The following TNKS variants were observed in gnomAD, a reference collection of about 807,000 sequenced individuals.
The protein encoded by TNKS is tankyrase.
A neutral mutation model predicts 135.8 loss-of-function variants in TNKS; 72 were observed. That is an observed-to-expected ratio of 0.53 (90% CI 0.44 to 0.64). The LOEUF (loss-of-function observed/expected upper bound fraction) is 0.64. Ranked by LOEUF, TNKS falls within the 30% of genes least tolerant of loss-of-function variation. The pLI is 0.00. For missense variants in TNKS, 1,769 were observed against 1,674.0 expected (o/e 1.06, Z -0.99); for synonymous variants, 849 against 649.3 (o/e 1.31, Z -4.68).
intron 11 of TNKS, among the ~76,000 whole-genome samples, chr8:9,717,557 A>G (rs772230805): frequency 3.9e-5 from 6 of 152,156 alleles, no homozygotes; most frequent in Non-Finnish European, 8.8e-5. Context: ...CAATATACAG[A>G]ACAGTATGTC....
chr8:9,692,462 A>G (rs929052176), intron 5 of TNKS, among the ~76,000 whole-genome samples: 1 of 152,222 alleles, frequency 6.6e-6, no homozygotes, highest in African/African-American at 2.4e-5. Flanking sequence ...AGACATTAAT[A>G]TGTTAAACAG....
intron 5 of TNKS, among the ~76,000 whole-genome samples, chr8:9,683,511 A>G (rs1347544049): frequency 6.6e-6 from 1 of 151,912 alleles, no homozygotes; most frequent in East Asian, 1.9e-4. Context: ...TTACTGTATT[A>G]TTGCTTAACT....
chr8:9,690,894 T>C (rs543094982), intron 5 of TNKS, among the ~76,000 whole-genome samples: 1 of 152,302 alleles, frequency 6.6e-6, no homozygotes, highest in South Asian at 2.1e-4. Flanking sequence ...GTAATCTATC[T>C]AGGATTCATA....
rs998183690 is a variant in TNKS at position 9,777,373 on chromosome 8, T to C, written c.*637T>C. The C allele has an allele frequency of 6.6e-6, 1 of 152,424 alleles. No homozygotes were observed. The highest frequency in any genetic ancestry group is 2.4e-5 in the African/African-American group (1 of 41,444). 9.4% of individuals were successfully genotyped at this position (152,424 alleles called of 1,614,324 possible). ...TGCTCTGTAGCTGCACTTCTCGTTATCATAAATTGAGATGAAAAGGAAAAA... is the reference window on the plus strand; with the variant it reads ...TGCTCTGTAGCTGCACTTCTCGTTACCATAAATTGAGATGAAAAGGAAAAA... On this transcript the variant is annotated 3_prime_UTR_variant, in exon 27 of 27. Coordinates refer to ENST00000310430, the MANE Select transcript of TNKS (RefSeq NM_003747.3).
intron 1 of TNKS, among the ~76,000 whole-genome samples, chr8:9,561,687 C>T (rs1346729510): frequency 1.3e-5 from 2 of 152,040 alleles, no homozygotes; most frequent in East Asian, 1.9e-4. Context: ...TTTGTGGACA[C>T]GGATTTTCTT....
intron 3 of TNKS, among the ~76,000 whole-genome samples, chr8:9,640,409 T>G (rs2128776233): frequency 7.0e-6 from 1 of 143,770 alleles, no homozygotes; most frequent in African/African-American, 2.6e-5. Flanking sequence ...TTTTAACATA[T>G]GAACTTTGGG....
At chr8:9,664,590 A>G (rs191670744) in intron 3 of TNKS, among the ~76,000 whole-genome samples, 1 of 152,352 alleles carries the variant, frequency 6.6e-6, no homozygotes, top group East Asian at 1.9e-4. Context: ...TTTAGGGGCT[A>G]TGTGCCAGGA....
chr8:9,748,512 C>T (rs772966360), intron 18 of TNKS, among the ~76,000 whole-genome samples: 1 of 151,998 alleles, frequency 6.6e-6, no homozygotes, highest in Non-Finnish European at 1.5e-5. Context: ...ATATCTTGTA[C>T]CTTCTATATT....
intron 5 of TNKS, among the ~76,000 whole-genome samples, chr8:9,686,082 C>G (rs547881731): frequency 4.6e-5 from 7 of 152,192 alleles, no homozygotes; most frequent in Non-Finnish European, 8.8e-5. Context: ...GCCACACTGA[C>G]TCTGGGCTTA....
chr8:9,632,420 C>T (rs1800326277), intron 3 of TNKS, among the ~76,000 whole-genome samples: 1 of 152,030 alleles, frequency 6.6e-6, no homozygotes, highest in Admixed American at 6.6e-5. Context: ...ATTCTTTTCC[C>T]TCTATATATT....
intron 23 of TNKS, 39 bp from the exon 24 acceptor site, chr8:9,765,653 G>A (rs576637166): frequency 5.8e-5 from 88 of 1,523,140 alleles, no homozygotes; most frequent in South Asian, 5.3e-4. Context: ...ATAAATGCAC[G>A]TTTCACCGAT....
intron 3 of TNKS, among the ~76,000 whole-genome samples, chr8:9,656,305 G>C (rs1340255683): frequency 3.3e-5 from 5 of 152,224 alleles, no homozygotes. Flanking sequence ...AACCAAGTGG[G>C]AGAACACTCT....
At chr8:9,699,221 C>A (rs1803676135) in intron 5 of TNKS, among the ~76,000 whole-genome samples, 1 of 152,176 alleles carries the variant, frequency 6.6e-6, no homozygotes, top group African/African-American at 2.4e-5. Flanking sequence ...ACAAATGATA[C>A]TCTGTTAATT....
chr8:9,566,176 A>G (rs370398552), intron 1 of TNKS: 1 of 152,326 alleles, frequency 6.6e-6, no homozygotes, highest in East Asian at 1.9e-4. Flanking sequence ...AAAAGAAATG[A>G]CATAGAATTA....
At chr8:9,583,592 G>T (rs958992199) in intron 2 of TNKS, among the ~76,000 whole-genome samples, 3 of 151,906 alleles carry the variant, frequency 2.0e-5, no homozygotes, top group East Asian at 2.0e-4. Flanking sequence ...GGGTTCAAGT[G>T]ATTCTCCTGC....
At chr8:9,707,528 ACC>A (rs1319262551) in intron 8 of TNKS, among the ~76,000 whole-genome samples, 1 of 152,222 alleles carries the variant, frequency 6.6e-6, no homozygotes, top group Non-Finnish European at 1.5e-5. Flanking sequence ...GTGTGTTATG[ACC>A]CAAGTATAAT....
At position 9,781,702 on chromosome 8, in the gene TNKS, A is replaced by C. The variant is rs1226778304; in HGVS notation, c.*4966A>C. ...CATTTACAAAACCAGCTTTGAGAAA[A>C]TGTTATGTTGCCTGGCAACAGCACT... On this transcript the variant is annotated 3_prime_UTR_variant, in exon 27 of 27. Coordinates refer to ENST00000310430, the MANE Select transcript of TNKS (RefSeq NM_003747.3). 6.6e-6 allele frequency: 1 copy of C among 152,630 alleles called. No individual in the cohort carries two copies. The highest frequency in any genetic ancestry group is 2.4e-5 in the African/African-American group (1 of 41,446). The allele number at this position is 152,630 out of a possible 1,614,324, so 9.5% of individuals were successfully genotyped here.
rs776598054 is a variant in TNKS at position 9,580,240 on chromosome 8, C to T, written c.755C>T (p.Pro252Leu). 1.9e-6 allele frequency: 3 copies of T among 1,614,118 alleles called. No individual in the cohort carries two copies. Among genetic ancestry groups the T allele is most frequent in the Non-Finnish European group, 1.7e-6 (2 of 1,180,028 alleles). The change falls in exon 2 of 27, where the codon CCG becomes CTG. Residue 252 changes from proline (P) to leucine (L), a missense_variant. Physicochemically the swap from Pro to Leu is moderately conservative, Grantham distance 98. Coordinates refer to ENST00000310430, the MANE Select transcript of TNKS (RefSeq NM_003747.3). ...VHARDDGGLI[P>L]LHNACSFGHA... ...GCTCGTGATGATGGAGGTCTCATCC[C>T]GCTTCATAATGCCTGTTCTTTTGGC... is the stretch of plus-strand genomic sequence containing the variant.
intron 3 of TNKS, among the ~76,000 whole-genome samples, chr8:9,628,230 T>C (rs1800139692): frequency 6.6e-6 from 1 of 152,230 alleles, no homozygotes; most frequent in East Asian, 1.9e-4. Flanking sequence ...GTTTTTCTGC[T>C]TCCCTTTAGA....
Sources: gnomAD v4.1 joint callset for allele counts (sites outside exome capture counted in the v4.1 genomes callset) on GRCh38, gnomAD v4.1.1 for gene constraint, MANE v1.5 for transcripts, NCBI Gene and HGNC (gene_info 2026-07-23, HGNC 2026-07-21) for gene names.